PRDM2: variants seen among roughly 807,000 people sequenced by gnomAD.
The protein encoded by PRDM2 is PR/SET domain 2.
PRDM2 carries 30 observed loss-of-function variants against 130.0 expected under a neutral mutation model. The observed-to-expected ratio is 0.23, with a 90% CI of 0.17 to 0.31. The LOEUF is 0.31. PRDM2 is among the 10% of genes least tolerant of loss of function. The pLI, the probability that PRDM2 is intolerant of heterozygous loss-of-function variation, is 1.00. For synonymous variants in PRDM2, 871 were observed against 782.4 expected (o/e 1.11, Z -1.89); for missense variants, 2,011 against 2,108.4 (o/e 0.95, Z 0.90).
intron 8 of PRDM2, chr1:13,787,526 G>C (rs894132932): frequency 1.0e-6 from 1 of 983,026 alleles, no homozygotes; most frequent in African/African-American, 1.8e-5. Context: ...TTTAATATTT[G>C]TTTGGTGAAT....
intron 3 of PRDM2, among the ~76,000 whole-genome samples, chr1:13,732,125 C>G (rs1034877456): frequency 6.6e-6 from 1 of 152,126 alleles, no homozygotes; most frequent in Non-Finnish European, 1.5e-5. Context: ...TGTCTGCTTG[C>G]TCATTATATC....
rs765696236 is a variant in PRDM2, at chr1:13,779,981, C to T, written c.2186C>T (p.Thr729Ile). Residue 729 changes from threonine (T) to isoleucine (I), a missense_variant, in exon 8 of 10, where the codon ACC becomes ATC. Physicochemically the swap from Thr to Ile is moderately conservative, Grantham distance 89. This residue lies in a region of PRDM2 where 1,288 missense variants were observed against 1,237.7 expected (regional missense o/e 1.04). Coordinates refer to ENST00000311066, the MANE Select transcript of PRDM2 (RefSeq NM_001393986.1). The surrounding 1 kb of genome is among the most constrained non-coding windows in gnomAD (Gnocchi z 4.9). ...VSAPASMLPVTSSRFKRRTSS... is the reference protein window; with the variant it reads ...VSAPASMLPVISSRFKRRTSS... ...GCTCCTGCATCAATGTTGCCTGTGACCTCAAGTAGGTTTAAGAGGCGGACC... is the reference window on the plus strand; with the variant it reads ...GCTCCTGCATCAATGTTGCCTGTGATCTCAAGTAGGTTTAAGAGGCGGACC... 7.4e-6 allele frequency: 12 copies of T among 1,614,208 alleles called. No homozygotes were observed. In the Admixed American group the frequency reaches 1.8e-4, roughly 25 times the overall value.
intron 1 of PRDM2, among the ~76,000 whole-genome samples, chr1:13,700,582 G>T (rs1195214345): frequency 1.3e-5 from 2 of 151,126 alleles, no homozygotes; most frequent in Non-Finnish European, 2.9e-5. Context: ...TCGGTTTGTC[G>T]CCGTGAAGAG....
chr1:13,763,006 TGA>T (rs1464422095), intron 6 of PRDM2, among the ~76,000 whole-genome samples: 3 of 152,078 alleles, frequency 2.0e-5, no homozygotes, highest in Admixed American at 6.5e-5. Flanking sequence ...GTGGGCCGAG[TGA>T]TTAGGTAGCT....
intron 8 of PRDM2, among the ~76,000 whole-genome samples, chr1:13,783,560 A>C (rs1644670288): frequency 6.6e-6 from 1 of 152,138 alleles, no homozygotes; most frequent in Non-Finnish European, 1.5e-5. Flanking sequence ...TTCCCCAGTA[A>C]TGATAGAAGG....
At chr1:13,789,593 G>T (rs923838725) in intron 8 of PRDM2, among the ~76,000 whole-genome samples, 13 of 152,180 alleles carry the variant, frequency 8.5e-5, no homozygotes, top group African/African-American at 2.9e-4. Context: ...ATGACTGCCG[G>T]CTTTTAATAC....
intron 6 of PRDM2, among the ~76,000 whole-genome samples, chr1:13,762,709 A>G (rs151212929): frequency 5.3e-5 from 8 of 152,348 alleles, no homozygotes; most frequent in African/African-American, 1.7e-4. Flanking sequence ...TGTGCTTCTG[A>G]AAGGCTCCAT....
chr1:13,710,454 T>C (rs890945620), intron 1 of PRDM2, among the ~76,000 whole-genome samples: 1 of 152,246 alleles, frequency 6.6e-6, no homozygotes, highest in Admixed American at 6.5e-5. Context: ...AATAAATGTT[T>C]CTAAGACTGA....
intron 8 of PRDM2, chr1:13,787,337 C>T: frequency 1.0e-6 from 1 of 985,000 alleles, no homozygotes; most frequent in Non-Finnish European, 1.2e-6. Context: ...ACACTTGCAT[C>T]TCTAATAGAG....
chr1:13,722,029 C>T (rs1642745527), intron 2 of PRDM2, among the ~76,000 whole-genome samples: 2 of 152,184 alleles, frequency 1.3e-5, no homozygotes, highest in South Asian at 4.1e-4. Context: ...TTATTTATTA[C>T]TGTTATTTTT....
At chr1:13,731,986 A>G (rs1204750705) in intron 3 of PRDM2, among the ~76,000 whole-genome samples, 1 of 152,174 alleles carries the variant, frequency 6.6e-6, no homozygotes, top group Admixed American at 6.5e-5. Flanking sequence ...GAATTTGTAC[A>G]TCCTAGCAGG....
At chr1:13,764,759 A>T (rs1644184298) in intron 6 of PRDM2, among the ~76,000 whole-genome samples, 2 of 152,236 alleles carry the variant, frequency 1.3e-5, no homozygotes, top group African/African-American at 4.8e-5. Flanking sequence ...GCAAAATCTA[A>T]AACTTTTCCA....
At chr1:13,792,590 T>C (rs1203642) in intron 8 of PRDM2, among the ~76,000 whole-genome samples, 27,547 of 152,230 alleles carry the variant, frequency 0.18, 3,135 homozygotes, top group Admixed American at 0.25. Context: ...ATTGGACTTG[T>C]GAATTCAGGC....
At chr1:13,751,456 C>A (rs1643836552) in intron 6 of PRDM2, among the ~76,000 whole-genome samples, 1 of 151,552 alleles carries the variant, frequency 6.6e-6, no homozygotes, top group Non-Finnish European at 1.5e-5. Context: ...ATGAGTCAAA[C>A]CTTTTTTACT....
intron 4 of PRDM2, among the ~76,000 whole-genome samples, chr1:13,733,136 G>A (rs1228546323): frequency 6.6e-6 from 1 of 152,152 alleles, no homozygotes; most frequent in Non-Finnish European, 1.5e-5. Context: ...TGTCCAGGGT[G>A]TTTTGCTTTG....
chr1:13,721,971 A>C (rs1642743335), intron 2 of PRDM2, among the ~76,000 whole-genome samples: 1 of 152,196 alleles, frequency 6.6e-6, no homozygotes, highest in Non-Finnish European at 1.5e-5. Context: ...GAGTTTATAG[A>C]TGTAAAGCCC....
At chr1:13,817,882 C>T (rs1490607073) in intron 9 of PRDM2, among the ~76,000 whole-genome samples, 3 of 151,962 alleles carry the variant, frequency 2.0e-5, no homozygotes, top group Admixed American at 6.6e-5. Flanking sequence ...CGCCTGTAGT[C>T]GCAACTACTC....
chr1:13,722,914 C>T, intron 2 of PRDM2: 3 of 495,618 alleles, frequency 6.1e-6, no homozygotes, highest in South Asian at 2.9e-5. Context: ...TGTAGAGTAG[C>T]CTAGATGCCA....
At chr1:13,751,931 T>C (rs1643857390) in intron 6 of PRDM2, among the ~76,000 whole-genome samples, 1 of 151,816 alleles carries the variant, frequency 6.6e-6, no homozygotes, top group African/African-American at 2.4e-5. Flanking sequence ...AGTGGCCCCT[T>C]CTCTCTCCCC....
Sources: allele counts gnomAD v4.1 joint callset (sites outside exome capture counted in the v4.1 genomes callset), GRCh38; gene constraint gnomAD v4.1.1; regional missense constraint gnomAD v4.1.1; non-coding constraint Gnocchi (gnomAD v3.1); transcripts MANE v1.5; gene names NCBI Gene and HGNC (gene_info 2026-07-23, HGNC 2026-07-21).